Variants in CNOT6 observed in about 807,000 individuals in gnomAD.
CNOT6 encodes the protein CCR4-NOT transcription complex subunit 6, also known as carbon catabolite repression 4 protein.
A neutral mutation model predicts 61.2 loss-of-function variants in CNOT6; 12 were observed. The observed-to-expected ratio is 0.20, with a 90% CI of 0.13 to 0.32. The LOEUF (loss-of-function observed/expected upper bound fraction) is 0.32. CNOT6 is among the 10% of genes least tolerant of loss of function. CNOT6 has a pLI of 1.00. For missense variants in CNOT6, 405 were observed against 663.9 expected (o/e 0.61, Z 4.28); for synonymous variants, 225 against 240.6 (o/e 0.94, Z 0.60).
At chr5:180,534,630 C>G (rs1277398498) in intron 2 of CNOT6, 2 of 152,170 alleles carry the variant, frequency 1.3e-5, no homozygotes, top group Non-Finnish European at 1.5e-5. Context: ...GAGAGGCCCT[C>G]GGAATCCACC....
chr5:180,555,047 A>G (rs1427820192), intron 4 of CNOT6, among the ~76,000 whole-genome samples: 1 of 150,090 alleles, frequency 6.7e-6, no homozygotes. Context: ...CTTGTCGCCC[A>G]GGCTAGAGTG....
chr5:180,547,293 G>A (rs1235496853), intron 2 of CNOT6, among the ~76,000 whole-genome samples: 1 of 152,052 alleles, frequency 6.6e-6, no homozygotes, highest in Non-Finnish European at 1.5e-5. Context: ...GCCACAGTGG[G>A]CAAATCACCT....
chr5:180,536,173 T>A (rs1200911899), intron 2 of CNOT6, among the ~76,000 whole-genome samples: 1 of 3,388 alleles, frequency 3.0e-4, no homozygotes, highest in Non-Finnish European at 1.3e-3. Flanking sequence ...TTTTTTGTAT[T>A]TTTTTTTAGT....
Position 180,547,486 on chromosome 5 carries a change from T to C in CNOT6, c.113-2445T>C, listed in dbSNP as rs573296588. 2.2e-4 allele frequency among the ~76,000 whole-genome samples: 34 copies of C among 151,688 alleles called. No homozygotes were observed. In the South Asian group the frequency reaches 5.0e-3, roughly 22 times the overall value. On this transcript the variant is annotated intron_variant, in intron 2 of 11. Coordinates refer to ENST00000261951, the MANE Select transcript of CNOT6 (RefSeq NM_001370472.1). Reference sequence around the variant, plus strand: ...ACTGAGCTGAGATCGCGCCACTGCATTCCAGCCTGGGCAACAGAGCGAGAC... The same window carrying C: ...ACTGAGCTGAGATCGCGCCACTGCACTCCAGCCTGGGCAACAGAGCGAGAC...
At chr5:180,540,052 CT>C (rs1327110301) in intron 2 of CNOT6, among the ~76,000 whole-genome samples, 2 of 152,032 alleles carry the variant, frequency 1.3e-5, no homozygotes, top group Non-Finnish European at 2.9e-5. Context: ...TCATTTTTAT[CT>C]TTTTCCTTCA....
intron 1 of CNOT6, among the ~76,000 whole-genome samples, chr5:180,501,752 G>A (rs1011052759): frequency 6.6e-6 from 1 of 152,208 alleles, no homozygotes; most frequent in African/African-American, 2.4e-5. Flanking sequence ...GTTTTGGACA[G>A]CATTGAAATG....
At chr5:180,523,434 A>G (rs1319771740) in intron 1 of CNOT6, among the ~76,000 whole-genome samples, 7 of 147,958 alleles carry the variant, frequency 4.7e-5, no homozygotes, top group Non-Finnish European at 1.1e-4. Flanking sequence ...GGCACACTCA[A>G]ATGTTTGATT....
chr5:180,564,303 A>G (rs1289284218), intron 4 of CNOT6, among the ~76,000 whole-genome samples, 186 bp from the exon 5 acceptor site: 1 of 152,242 alleles, frequency 6.6e-6, no homozygotes, highest in Non-Finnish European at 1.5e-5. Flanking sequence ...TTGAATGTGT[A>G]TATAGAACAT....
At chr5:180,573,090 A>G (rs11249732) in intron 11 of CNOT6, among the ~76,000 whole-genome samples, 70,771 of 151,988 alleles carry the variant, frequency 0.47, 17,501 homozygotes, top group Non-Finnish European at 0.56. Context: ...TTGAAGAGAA[A>G]GCATGGGTAG....
At chr5:180,567,449 C>T (rs1760521953) in intron 8 of CNOT6, among the ~76,000 whole-genome samples, 1 of 152,114 alleles carries the variant, frequency 6.6e-6, no homozygotes, top group Admixed American at 6.5e-5. Context: ...ACTGCTGTTT[C>T]TTCAGGTGTT....
At chr5:180,498,746 A>T (rs554331989) in intron 1 of CNOT6, among the ~76,000 whole-genome samples, 2 of 152,198 alleles carry the variant, frequency 1.3e-5, no homozygotes, top group African/African-American at 2.4e-5. Flanking sequence ...TGGAGAATAG[A>T]GTGGAGGCCC....
intron 1 of CNOT6, among the ~76,000 whole-genome samples, chr5:180,512,117 A>C (rs1757425198): frequency 6.6e-6 from 1 of 152,216 alleles, no homozygotes; most frequent in African/African-American, 2.4e-5. Flanking sequence ...CTACTTGTGA[A>C]AGCTGTGGAT....
At chr5:180,528,533 T>G (rs984549512) in intron 1 of CNOT6, among the ~76,000 whole-genome samples, 1 of 152,084 alleles carries the variant, frequency 6.6e-6, no homozygotes, top group African/African-American at 2.4e-5. Flanking sequence ...GCCAGGATGG[T>G]CTCAATCTCC....
chr5:180,569,954 C>T (rs1387722636), intron 10 of CNOT6, among the ~76,000 whole-genome samples: 1 of 152,140 alleles, frequency 6.6e-6, no homozygotes, highest in African/African-American at 2.4e-5. Context: ...TGTTTCAACT[C>T]ATTTATACAC....
chr5:180,531,839 T>C (rs932899913), intron 2 of CNOT6, among the ~76,000 whole-genome samples: 2 of 152,108 alleles, frequency 1.3e-5, no homozygotes, highest in African/African-American at 4.8e-5. Flanking sequence ...CAAGAACCAG[T>C]CAGGCGTGGC....
chr5:180,565,714 G>T, intron 6 of CNOT6, 106 bp from the exon 7 acceptor site: 1 of 1,072,726 alleles, frequency 9.3e-7, no homozygotes, highest in Non-Finnish European at 1.3e-6. Flanking sequence ...ACTATAGATT[G>T]AATGAATACG....
chr5:180,543,219 T>C (rs1461732157), intron 2 of CNOT6, among the ~76,000 whole-genome samples: 1 of 152,070 alleles, frequency 6.6e-6, no homozygotes, highest in Non-Finnish European at 1.5e-5. Flanking sequence ...CCAGCACTCC[T>C]GGCTAAATTT....
Position 180,564,685 on chromosome 5 carries a change from AC to A in CNOT6, c.502del (p.Gln168AsnfsTer48). ...SGTAKRITTE[Q>X]PPPRSWIMLQ... ...TTTCTATTCAACTAGTTACAACAGA[AC>A]AACCACCTCCAAGGTCTTGGATTAT... On this transcript the variant is annotated frameshift_variant, in exon 6 of 12. Coordinates refer to ENST00000261951, the MANE Select transcript of CNOT6 (RefSeq NM_001370472.1). LOFTEE classifies it high-confidence loss of function. The A allele has an allele frequency of 6.2e-7, 1 of 1,614,016 alleles. No individual in the cohort carries two copies. The highest frequency in any genetic ancestry group is 8.5e-7 in the Non-Finnish European group (1 of 1,179,838).
intron 2 of CNOT6, among the ~76,000 whole-genome samples, chr5:180,531,611 C>T (rs1032894102): frequency 3.3e-5 from 5 of 152,238 alleles, no homozygotes; most frequent in Admixed American, 3.3e-4. Context: ...GCAATCTCAG[C>T]ACTTTGGGAG....
Sources: allele counts gnomAD v4.1 joint callset (sites outside exome capture counted in the v4.1 genomes callset), GRCh38; gene constraint gnomAD v4.1.1; transcripts MANE v1.5; gene names NCBI Gene and HGNC (gene_info 2026-07-23, HGNC 2026-07-21).